The following KHDC1 variants were observed in gnomAD, a reference collection of about 807,000 sequenced individuals.
KHDC1 encodes the protein KH domain containing 1.
KHDC1 carries 21 observed loss-of-function variants against 24.7 expected under a neutral mutation model. The observed-to-expected ratio is 0.85, with a 90% CI of 0.60 to 1.23. KHDC1 has a LOEUF of 1.23. KHDC1 is among the 50% of genes most tolerant of loss of function. The probability of loss-of-function intolerance (pLI) is 0.00; values close to 1 mark genes in which losing one functional copy is unlikely to be tolerated. For missense variants in KHDC1, 274 were observed against 298.5 expected (o/e 0.92, Z 0.61); for synonymous variants, 98 against 111.7 (o/e 0.88, Z 0.77).
chr6:73,266,377 TTATCA>T (rs1767078876), intron 2 of KHDC1, among the ~76,000 whole-genome samples: 1 of 152,252 alleles, frequency 6.6e-6, no homozygotes, highest in Non-Finnish European at 1.5e-5. Context: ...AGTCTTTGCC[TTATCA>T]TATAATAGGC....
chr6:73,306,390 C>T (rs7753960), intron 1 of KHDC1, among the ~76,000 whole-genome samples: 14,550 of 152,142 alleles, frequency 0.096, 783 homozygotes, highest in East Asian at 0.19. Flanking sequence ...TTTCCCCATC[C>T]CAACAAAAAT....
At chr6:73,309,427 G>C in intron 1 of KHDC1, 1 of 934,302 alleles carries the variant, frequency 1.1e-6, no homozygotes, top group African/African-American at 1.7e-5. Flanking sequence ...GTGATTTGCA[G>C]AACTGTCCTA....
intron 2 of KHDC1, among the ~76,000 whole-genome samples, chr6:73,265,928 T>A (rs1316927338): frequency 6.6e-6 from 1 of 152,022 alleles, no homozygotes; most frequent in African/African-American, 2.4e-5. Context: ...TTCTTTTTCT[T>A]TTTTTTGGGG....
intron 1 of KHDC1, chr6:73,292,843 G>A: frequency 1.4e-6 from 1 of 710,902 alleles, no homozygotes; most frequent in Non-Finnish European, 2.6e-6. Context: ...AATGCTTATA[G>A]ATTAACTTTG....
rs944779897 is a variant in KHDC1, at chr6:73,270,324, C to T, written c.206+21674G>A. 5 of 152,068 alleles carry T rather than the reference C, an allele frequency of 3.3e-5. 1 individual carries two copies. The highest frequency in any genetic ancestry group is 2.0e-4 in the Admixed American group (3 of 15,260). The allele number at this position is 152,068 out of a possible 1,614,324, so 9.4% of individuals were successfully genotyped here. On this transcript the variant is annotated intron_variant, in intron 2 of 4. Coordinates refer to ENST00000370384, the Ensembl canonical transcript of KHDC1. ...TATTTAGTACGCAGATAGGACTAAG[C>T]CTTTTTCATGCCTGTTTTTTGTAGA...
At chr6:73,254,989 C>T (rs1156999495) in intron 2 of KHDC1, among the ~76,000 whole-genome samples, 2 of 149,376 alleles carry the variant, frequency 1.3e-5, no homozygotes, top group African/African-American at 4.9e-5. Flanking sequence ...GGAACAAGAG[C>T]AAGACTCCGT....
rs569496331 is a variant in KHDC1, at chr6:73,254,769, G to A, written c.207-12239C>T. Reference sequence around the variant, plus strand: ...TGTAATCCCGGCACTTTGGGAGGCCGAGGTGGGCGGATCACGAGGTCAGGA... The same window carrying A: ...TGTAATCCCGGCACTTTGGGAGGCCAAGGTGGGCGGATCACGAGGTCAGGA... On this transcript the variant is annotated intron_variant, in intron 2 of 4. Coordinates refer to ENST00000370384, the Ensembl canonical transcript of KHDC1. Among the ~76,000 whole-genome samples the A allele has an allele frequency of 1.5e-4, 23 of 152,176 alleles. No homozygotes were observed. In the East Asian group the frequency reaches 4.2e-3, roughly 28 times the overall value.
At chr6:73,302,482 T>C (rs1767894880) in intron 1 of KHDC1, among the ~76,000 whole-genome samples, 1 of 152,174 alleles carries the variant, frequency 6.6e-6, no homozygotes, top group Admixed American at 6.6e-5. Context: ...TAAAAGCTTA[T>C]TACCCCTAGG....
intron 2 of KHDC1, among the ~76,000 whole-genome samples, chr6:73,277,035 G>A (rs116457525): frequency 0.011 from 1,625 of 152,206 alleles, 24 homozygotes; most frequent in African/African-American, 0.037. Context: ...ATGTCCCAGG[G>A]AACTTTTGTA....
At chr6:73,276,947 A>G (rs1200170862) in intron 2 of KHDC1, among the ~76,000 whole-genome samples, 3 of 152,206 alleles carry the variant, frequency 2.0e-5, no homozygotes, top group African/African-American at 7.2e-5. Context: ...CCACATGAAG[A>G]AAAAAGGTGA....
chr6:73,244,591 G>A (rs1331341255), intron 2 of KHDC1, among the ~76,000 whole-genome samples: 6 of 151,232 alleles, frequency 4.0e-5, no homozygotes, highest in Admixed American at 6.6e-5. Context: ...GATAAAAACT[G>A]CATTAGTCAG....
In KHDC1 at chr6:73,242,167, GA is replaced by G. The variant is rs754445167; in HGVS notation, c.401del (p.Phe134SerfsTer9). ...TCACACGAGTCTGGCCTGTAGCTGTGAACCAACTCTCCAGCTGAATAAGGGT... is the reference window on the plus strand; with the variant it reads ...TCACACGAGTCTGGCCTGTAGCTGTGACCAACTCTCCAGCTGAATAAGGGT... On this transcript the variant is annotated frameshift_variant, in exon 4 of 5. Coordinates refer to ENST00000370384, the Ensembl canonical transcript of KHDC1. LOFTEE classifies it high-confidence loss of function. The G allele has an allele frequency of 6.2e-7, 1 of 1,614,030 alleles. No homozygotes were observed. The highest frequency in any genetic ancestry group is 8.5e-7 in the Non-Finnish European group (1 of 1,180,038).
intron 2 of KHDC1, among the ~76,000 whole-genome samples, chr6:73,257,123 T>A (rs1396481743): frequency 1.3e-5 from 2 of 152,092 alleles, no homozygotes; most frequent in Admixed American, 6.6e-5. Flanking sequence ...CAAAACCCCA[T>A]CTCTACAAAA....
At chr6:73,307,079 C>G (rs919981726) in intron 1 of KHDC1, among the ~76,000 whole-genome samples, 2 of 151,922 alleles carry the variant, frequency 1.3e-5, no homozygotes, top group African/African-American at 4.8e-5. Context: ...AATGTTTTTC[C>G]TTTTACCCTG....
At chr6:73,292,249 A>G (rs1767667749) in intron 1 of KHDC1, 2 of 1,384,532 alleles carry the variant, frequency 1.4e-6, no homozygotes, top group African/African-American at 2.8e-5. Flanking sequence ...AAATGTTTGA[A>G]GATCCAGAAA....
chr6:73,291,878 T>C (rs1482048498), intron 2 of KHDC1: 5 of 1,072,486 alleles, frequency 4.7e-6, no homozygotes, highest in Non-Finnish European at 6.9e-6. Flanking sequence ...CACAATACAT[T>C]CATGTAACAA....
chr6:73,248,866 G>C (rs529682819), intron 2 of KHDC1, among the ~76,000 whole-genome samples: 1 of 150,694 alleles, frequency 6.6e-6, no homozygotes, highest in Admixed American at 6.6e-5. Context: ...AACTTCAAGG[G>C]ATTTTTTGAA....
At chr6:73,260,835 G>T (rs948767370) in intron 2 of KHDC1, among the ~76,000 whole-genome samples, 1 of 152,050 alleles carries the variant, frequency 6.6e-6, no homozygotes, top group Non-Finnish European at 1.5e-5. Context: ...TTTTTATGTG[G>T]TCAGTTTTAT....
chr6:73,276,580 T>A lies in KHDC1; in HGVS notation c.206+15418A>T, dbSNP rs542016782. ...TAATTGGAAGGCTGAGGTGGGAAGATCACTTGAGCTTGGGAGGTTAAGGCT... is the reference window on the plus strand; with the variant it reads ...TAATTGGAAGGCTGAGGTGGGAAGAACACTTGAGCTTGGGAGGTTAAGGCT... On this transcript the variant is annotated intron_variant, in intron 2 of 4. Coordinates refer to ENST00000370384, the Ensembl canonical transcript of KHDC1. 12 of 151,596 alleles carry A rather than the reference T, an allele frequency of 7.9e-5. No homozygotes were observed. In the South Asian group the frequency reaches 2.5e-3, roughly 32 times the overall value. 9.4% of individuals were successfully genotyped at this position (151,596 alleles called of 1,614,324 possible).
Sources: gnomAD v4.1 joint callset for allele counts (sites outside exome capture counted in the v4.1 genomes callset) on GRCh38, gnomAD v4.1.1 for gene constraint, MANE v1.5 for transcripts, NCBI Gene and HGNC (gene_info 2026-07-23, HGNC 2026-07-21) for gene names.